Variants in PHF21A observed in about 807,000 individuals in gnomAD.
The protein encoded by PHF21A is BHC80a.
A neutral mutation model predicts 82.5 loss-of-function variants in PHF21A; 11 were observed. The ratio of observed to expected loss-of-function variants is 0.13; its 90% CI spans 0.08 to 0.22. The LOEUF (loss-of-function observed/expected upper bound fraction) is 0.22, where lower values mean the gene tolerates loss of function less well. Ranked by LOEUF, PHF21A falls within the 10% of genes least tolerant of loss-of-function variation. The pLI is 1.00. For missense variants in PHF21A, 579 were observed against 837.8 expected (o/e 0.69, Z 3.81); for synonymous variants, 297 against 302.8 (o/e 0.98, Z 0.20).
chr11:46,089,569 C>T (rs2135416368), intron 3 of PHF21A, among the ~76,000 whole-genome samples: 1 of 152,042 alleles, frequency 6.6e-6, no homozygotes, highest in African/African-American at 2.4e-5. Flanking sequence ...AGCTTGGCAA[C>T]CCTGATTTTC....
intron 1 of PHF21A, among the ~76,000 whole-genome samples, chr11:46,096,338 G>A (rs768687273): frequency 2.1e-4 from 32 of 150,456 alleles, no homozygotes; most frequent in Non-Finnish European, 3.5e-4. Context: ...TATTGTCCCC[G>A]TCTAGGCTCA....
In PHF21A at chr11:45,933,981, T is replaced by G. The variant is rs1446181248; in HGVS notation, c.2033A>C (p.Glu678Ala). ...AGAGGGGCTCTGTTATTTAGTCTCT[T>G]CCCCCTGGTTACAGTTCGCTGTGCA... ...QSCTANCNQG[E>A]ETK The change falls in exon 19 of 19, where the codon GAA becomes GCA. Residue 678 changes from glutamate (E) to alanine (A), a missense_variant. By Grantham distance (107) the Glu-to-Ala change is moderately radical (BLOSUM62 -1). Around this residue, in one of 3 missense-constraint regions of PHF21A, gnomAD observed 157 missense variants for 149.4 expected, o/e 1.05. Coordinates refer to ENST00000676320, the MANE Select transcript of PHF21A (RefSeq NM_001352027.3). The G allele has an allele frequency of 6.4e-7, 1 of 1,568,022 alleles. No homozygotes were observed. Among genetic ancestry groups the G allele is most frequent in the Middle Eastern group, 1.7e-4 (1 of 5,828 alleles).
intron 4 of PHF21A, among the ~76,000 whole-genome samples, chr11:46,080,944 G>A (rs778721027): frequency 7.9e-5 from 12 of 152,046 alleles, no homozygotes; most frequent in Admixed American, 2.0e-4. Context: ...GATTACAGGC[G>A]TAAGCCACCA....
intron 6 of PHF21A, among the ~76,000 whole-genome samples, chr11:46,048,674 G>A (rs1365088356): frequency 1.3e-5 from 2 of 152,078 alleles, no homozygotes; most frequent in African/African-American, 4.8e-5. Context: ...GGAGGCTGAG[G>A]CAGGAGAATC....
At chr11:46,032,963 A>C (rs967255172) in intron 6 of PHF21A, among the ~76,000 whole-genome samples, 1 of 152,170 alleles carries the variant, frequency 6.6e-6, no homozygotes, top group African/African-American at 2.4e-5. Context: ...GGTACCTCTG[A>C]ATCCCTAAGA....
rs557194470 is a variant in PHF21A, at chr11:46,004,651, G to A, written c.154-24685C>T. Reference sequence around the variant, plus strand: ...ACAAAAACTCACTTTTCTTCATATTGGTTTGCATAGCACAGACTATTACTT... The same window carrying A: ...ACAAAAACTCACTTTTCTTCATATTAGTTTGCATAGCACAGACTATTACTT... On this transcript the variant is annotated intron_variant, in intron 6 of 18. Transcript: ENST00000676320. 2.0e-5 allele frequency among the ~76,000 whole-genome samples: 3 copies of A among 152,148 alleles called. No individual in the cohort carries two copies. The South Asian group carries it at 6.2e-4, about 32-fold the overall frequency.
chr11:46,078,582 G>A (rs1490366051), intron 5 of PHF21A, among the ~76,000 whole-genome samples: 1 of 152,056 alleles, frequency 6.6e-6, no homozygotes, highest in African/African-American at 2.4e-5. Context: ...AACATTCTCT[G>A]TTAATTTTTC....
At chr11:46,021,802 C>T (rs1022934714) in intron 6 of PHF21A, among the ~76,000 whole-genome samples, 3 of 152,156 alleles carry the variant, frequency 2.0e-5, no homozygotes, top group African/African-American at 7.2e-5. Context: ...CCTTCCACCT[C>T]AGCATCCCAA....
chr11:46,024,399 TA>T (rs1010517674), intron 6 of PHF21A, among the ~76,000 whole-genome samples: 12 of 152,204 alleles, frequency 7.9e-5, no homozygotes, highest in Non-Finnish European at 1.5e-5. Flanking sequence ...TTTCTTCCAT[TA>T]AAACAATGCT....
chr11:45,992,483 T>A (rs984334706), intron 6 of PHF21A, among the ~76,000 whole-genome samples: 4 of 152,116 alleles, frequency 2.6e-5, no homozygotes, highest in Non-Finnish European at 5.9e-5. Context: ...GAGCTTGCAG[T>A]GAGCTGAGAT....
At position 45,931,790 on chromosome 11, in the gene PHF21A, CA is replaced by C. The variant is rs934791370; in HGVS notation, c.*2177del. On this transcript the variant is annotated 3_prime_UTR_variant, in exon 19 of 19. Coordinates refer to ENST00000676320, the MANE Select transcript of PHF21A (RefSeq NM_001352027.3). ...CGCCCTCCCATCGGCCAGGGGCACG[CA>C]AGGGGCAAAGGTCTCCAGCGAGAGC... The C allele has an allele frequency of 6.6e-6, 1 of 152,392 alleles. No homozygotes were observed. Among genetic ancestry groups the C allele is most frequent in the Non-Finnish European group, 1.5e-5 (1 of 68,184 alleles). 9.4% of individuals were successfully genotyped at this position (152,392 alleles called of 1,614,324 possible). A position where few individuals can be genotyped will look rare whatever the true frequency, so the allele number is the denominator to read the frequency against.
intron 6 of PHF21A, among the ~76,000 whole-genome samples, chr11:46,022,699 C>T (rs1208041573): frequency 1.3e-5 from 2 of 152,012 alleles, no homozygotes; most frequent in African/African-American, 2.4e-5. Context: ...TGGGCTGAAG[C>T]GATTCTCCTG....
rs181443157 is a variant in PHF21A, at chr11:45,947,050, C to T, written c.1289-1047G>A. On this transcript the variant is annotated intron_variant, in intron 14 of 18. Transcript: ENST00000676320. ...ACATGACAAACATCCTGATAAACTA[C>T]ATCTCTAAAAATTGGGGCTGTTTAA... 5.3e-5 allele frequency among the ~76,000 whole-genome samples: 8 copies of T among 152,308 alleles called. No individual in the cohort carries two copies. In the East Asian group the frequency reaches 1.5e-3, roughly 29 times the overall value.
chr11:46,062,020 C>G (rs574062198), intron 6 of PHF21A, among the ~76,000 whole-genome samples: 1 of 151,964 alleles, frequency 6.6e-6, no homozygotes, highest in Non-Finnish European at 1.5e-5. Context: ...TGACTGCTAG[C>G]TTTCTTTGTT....
At chr11:46,027,639 G>A (rs1023721517) in intron 6 of PHF21A, among the ~76,000 whole-genome samples, 1 of 152,154 alleles carries the variant, frequency 6.6e-6, no homozygotes, top group South Asian at 2.1e-4. Context: ...AAATACCCAA[G>A]TGCTAAAGAC....
intron 6 of PHF21A, among the ~76,000 whole-genome samples, chr11:46,050,300 G>A (rs866346074): frequency 6.6e-6 from 1 of 152,258 alleles, no homozygotes; most frequent in Non-Finnish European, 1.5e-5. Flanking sequence ...GAAAGGCATA[G>A]GGACTAATAC....
chr11:46,034,281 A>C (rs1289077800), intron 6 of PHF21A, among the ~76,000 whole-genome samples: 3 of 150,262 alleles, frequency 2.0e-5, no homozygotes, highest in African/African-American at 7.4e-5. Flanking sequence ...ATTCATAAGA[A>C]CTCTTTATAT....
intron 15 of PHF21A, among the ~76,000 whole-genome samples, chr11:45,938,821 G>T (rs562767599): frequency 1.3e-5 from 2 of 152,136 alleles, no homozygotes; most frequent in East Asian, 3.9e-4. Flanking sequence ...TCAGATAAGG[G>T]GGAGACTAGT....
At chr11:46,069,245 C>T (rs1019234926) in intron 6 of PHF21A, among the ~76,000 whole-genome samples, 1 of 152,120 alleles carries the variant, frequency 6.6e-6, no homozygotes. Context: ...TTGATGAAAA[C>T]GAGGAGCTGA....
Sources: gnomAD v4.1 joint callset for allele counts (sites outside exome capture counted in the v4.1 genomes callset) on GRCh38, gnomAD v4.1.1 for gene constraint, gnomAD v4.1.1 regional missense constraint, MANE v1.5 for transcripts, NCBI Gene and HGNC (gene_info 2026-07-23, HGNC 2026-07-21) for gene names.